FBN1: variants seen among roughly 807,000 people sequenced by gnomAD.
FBN1 encodes the protein fibrillin 1.
A neutral mutation model predicts 365.1 loss-of-function variants in FBN1; 29 were observed. That is an observed-to-expected ratio of 0.08 (90% CI 0.06 to 0.11). FBN1 has a LOEUF of 0.11. Ranked by LOEUF, FBN1 falls within the 10% of genes least tolerant of loss-of-function variation. The probability of loss-of-function intolerance (pLI) is 1.00; values close to 1 mark genes in which losing one functional copy is unlikely to be tolerated. For synonymous variants in FBN1, 1,210 were observed against 1,270.5 expected, an observed-to-expected ratio of 0.95 and a Z score of 1.01; for missense variants, 2,476 against 3,703.2, an observed-to-expected ratio of 0.67 and a Z score of 8.60.
intron 32 of FBN1, among the ~76,000 whole-genome samples, chr15:48,478,739 G>A (rs767121600): frequency 3.9e-5 from 6 of 152,158 alleles, no homozygotes; most frequent in Non-Finnish European, 7.3e-5. Flanking sequence ...CAATACCCAG[G>A]GTCTGAACAA....
At chr15:48,563,102 C>A (rs958642132) in intron 6 of FBN1, among the ~76,000 whole-genome samples, 10 of 152,130 alleles carry the variant, frequency 6.6e-5, no homozygotes, top group African/African-American at 2.4e-4. Flanking sequence ...ATGTTTTACT[C>A]ATAGTCCTGT....
intron 6 of FBN1, among the ~76,000 whole-genome samples, chr15:48,582,482 G>T (rs2044402112): frequency 6.6e-6 from 1 of 152,142 alleles, no homozygotes; most frequent in African/African-American, 2.4e-5. Flanking sequence ...ACCACATGTG[G>T]TATTAGAAAA....
intron 48 of FBN1, among the ~76,000 whole-genome samples, chr15:48,445,031 C>A (rs974232786): frequency 6.7e-6 from 1 of 150,044 alleles, no homozygotes; most frequent in Non-Finnish European, 1.5e-5. Flanking sequence ...AGCAATTTAG[C>A]AATTTCACTG....
Position 48,465,858 on chromosome 15 carries a change from G to T in FBN1, c.4748C>A (p.Ser1583Tyr). Residue 1583 changes from serine (S) to tyrosine (Y), a missense_variant and splice_region_variant, in exon 39 of 66, where the codon TCC (serine) becomes TAC (tyrosine). Around this residue, in one of 5 missense-constraint regions of FBN1, gnomAD observed 1,780 missense variants for 2,840.8 expected, o/e 0.63. Coordinates refer to ENST00000316623, the MANE Select transcript of FBN1 (RefSeq NM_000138.5). The part of the protein sequence containing the change: ...PCEMCPAVNT[S>Y]EYKILCPGGE... The stretch of plus-strand genomic sequence containing the variant: ...TCCAGGACAAAGAATTTTGTACTCG[G>T]CTATTGAAACAAAAATTCAAATTGA... The T allele has an allele frequency of 6.2e-7, 1 of 1,609,616 alleles. No homozygotes were observed. Among genetic ancestry groups the T allele is most frequent in the Non-Finnish European group, 8.5e-7 (1 of 1,176,046 alleles).
In FBN1 at chr15:48,507,699, C is replaced by T. The variant is rs114788140; in HGVS notation, c.1837+883G>A. 2.4e-3 allele frequency among the ~76,000 whole-genome samples: 366 copies of T among 152,296 alleles called. 4 individuals carry two copies. The highest frequency in any genetic ancestry group is 8.7e-3 in the African/African-American group (362 of 41,560). Reference sequence around the variant, plus strand: ...CACCATAGGACTTTATTCTGCTTTCCTCTACCTTGAATAGCTTGACCCTCT... The same window carrying T: ...CACCATAGGACTTTATTCTGCTTTCTTCTACCTTGAATAGCTTGACCCTCT... On this transcript the variant is annotated intron_variant, in intron 15 of 65. Coordinates refer to ENST00000316623, the MANE Select transcript of FBN1 (RefSeq NM_000138.5).
intron 2 of FBN1, among the ~76,000 whole-genome samples, chr15:48,630,731 C>CAAA (rs11393587): frequency 1.3e-4 from 14 of 110,948 alleles, no homozygotes; most frequent in South Asian, 7.0e-4. Flanking sequence ...GACTCCATCT[C>CAAA]AAAAAAAAAA....
At chr15:48,479,692 G>A (rs1169055676) in intron 32 of FBN1, among the ~76,000 whole-genome samples, 4 of 152,160 alleles carry the variant, frequency 2.6e-5, no homozygotes, top group African/African-American at 9.7e-5. Context: ...TGTTCTTAAC[G>A]TAAAGCTGGT....
chr15:48,507,871 T>C (rs2141320664), intron 15 of FBN1, among the ~76,000 whole-genome samples: 1 of 152,246 alleles, frequency 6.6e-6, no homozygotes, highest in Admixed American at 6.5e-5. Flanking sequence ...GATCCCTACA[T>C]AAGACAGGAG....
chr15:48,465,063 G>C (rs2043309662), intron 40 of FBN1, among the ~76,000 whole-genome samples: 2 of 152,220 alleles, frequency 1.3e-5, no homozygotes, highest in Admixed American at 1.3e-4. Context: ...AAACCTGTAA[G>C]TGGTTAATAT....
In FBN1 at chr15:48,427,730, C is replaced by T; in HGVS notation, c.7041G>A (p.Met2347Ile). ...GYCFTEVLQN[M>I]CQIGSSNRNP... is the part of the protein sequence containing the mutation. The stretch of plus-strand genomic sequence containing the variant: ...TCCTGTTGCTGGAGCCGATCTGACA[C>T]ATGTTTTGTAGCACCTCTGTGAAGC... The change falls in exon 58 of 66, where the codon ATG (methionine) becomes ATA (isoleucine). Residue 2347 changes from methionine (M) to isoleucine (I), a missense_variant. Physicochemically the swap from Met to Ile is conservative, Grantham distance 10 (BLOSUM62 1). Transcript: ENST00000316623. 1 of 1,614,084 alleles carries T rather than the reference C, an allele frequency of 6.2e-7. No homozygotes were observed. The highest frequency in any genetic ancestry group is 8.5e-7 in the Non-Finnish European group (1 of 1,180,004).
chr15:48,469,067 CA>C (rs56789154), intron 36 of FBN1, among the ~76,000 whole-genome samples: 2,261 of 90,618 alleles, frequency 0.025, 65 homozygotes, highest in East Asian at 0.1. Flanking sequence ...GACTCCGTCT[CA>C]AAAAAAAAAA....
At chr15:48,628,408 A>C (rs1566941538) in intron 2 of FBN1, among the ~76,000 whole-genome samples, 1 of 152,166 alleles carries the variant, frequency 6.6e-6, no homozygotes, top group Non-Finnish European at 1.5e-5. Flanking sequence ...TTACCCTCAT[A>C]GTCCAAAATC....
chr15:48,530,555 C>T lies in FBN1; in HGVS notation c.862+3525G>A, dbSNP rs1362995871. Among the ~76,000 whole-genome samples, 4 of 148,938 alleles carry T rather than the reference C, an allele frequency of 2.7e-5. No homozygotes were observed. In the Admixed American group the frequency reaches 2.7e-4, roughly 10 times the overall value. ...TTCCAGGGCTCTTTGACCTTCACCG[C>T]AGAGATTTTTTTTTTTTTCAACTAA... On this transcript the variant is annotated intron_variant, in intron 8 of 65. Transcript: ENST00000316623.
In FBN1 at chr15:48,421,598, C is replaced by T; in HGVS notation, c.7659G>A (p.Gln2553=). ...CGGTCTGATCAAGTGAGAATCCCCG[C>T]TGGCATTCACAGGTGAAGCTTCCAG... ...NTPGSFTCEC[Q]RGFSLDQTGS... The change falls in exon 62 of 66, where the codon CAG becomes CAA. Residue 2553 remains glutamine (Q), a synonymous_variant. Transcript: ENST00000316623. 12 of 1,613,834 alleles carry T rather than the reference C, an allele frequency of 7.4e-6. No homozygotes were observed. Among genetic ancestry groups the T allele is most frequent in the Non-Finnish European group, 1.0e-5 (12 of 1,179,976 alleles).
In FBN1 at chr15:48,542,781, ATGTGTGTGTGTGTGTG is replaced by A. The variant is rs58728910; in HGVS notation, c.539-4989_539-4974del. Among the ~76,000 whole-genome samples the A allele has an allele frequency of 7.1e-3, 930 of 130,660 alleles. 3 individuals are homozygous for A. Among genetic ancestry groups the A allele is most frequent in the Non-Finnish European group, 0.011 (715 of 64,338 alleles). The allele number at this position is 130,660 out of a possible 152,430, so 85.7% of individuals were successfully genotyped here. A position where few individuals can be genotyped will look rare whatever the true frequency, so the allele number is the denominator to read the frequency against. ...TATTTCTGCCCTCTAGGACTCTAAG[ATGTGTGTGTGTGTGTG>A]TGTGTGTGTGTGTGTGTGTGTGTGT... On this transcript the variant is annotated intron_variant, in intron 6 of 65. Transcript: ENST00000316623.
At chr15:48,618,146 C>T (rs143702627) in intron 2 of FBN1, among the ~76,000 whole-genome samples, 1 of 152,042 alleles carries the variant, frequency 6.6e-6, no homozygotes, top group African/African-American at 2.4e-5. Flanking sequence ...AGGTACATGC[C>T]CTCACACAAC....
intron 61 of FBN1, 53 bp downstream of exon 61, chr15:48,421,899 T>C (rs1410854286): frequency 1.4e-6 from 2 of 1,402,616 alleles, no homozygotes; most frequent in South Asian, 1.2e-5. Context: ...TAGAAAATAA[T>C]CCCTTAAAAG....
chr15:48,571,527 CA>C (rs2044305436), intron 6 of FBN1, among the ~76,000 whole-genome samples: 1 of 151,710 alleles, frequency 6.6e-6, no homozygotes, highest in Non-Finnish European at 1.5e-5. Context: ...TAAATACCTG[CA>C]AAAATATTTA....
chr15:48,508,262 G>A (rs2043727539), intron 15 of FBN1, among the ~76,000 whole-genome samples: 1 of 152,128 alleles, frequency 6.6e-6, no homozygotes, highest in Non-Finnish European at 1.5e-5. Context: ...GGAAAGAAGA[G>A]GTAGAACTCA....
Sources: allele counts gnomAD v4.1 joint callset (sites outside exome capture counted in the v4.1 genomes callset), GRCh38; gene constraint gnomAD v4.1.1; regional missense constraint gnomAD v4.1.1; transcripts MANE v1.5; gene names NCBI Gene and HGNC (gene_info 2026-07-23, HGNC 2026-07-21).